SLC15A2: variants seen among roughly 807,000 people sequenced by gnomAD.
The protein encoded by SLC15A2 is solute carrier family 15 member 2.
A neutral mutation model predicts 95.5 loss-of-function variants in SLC15A2; 77 were observed. The observed-to-expected ratio is 0.81, with a 90% CI of 0.67 to 0.97. SLC15A2 has a LOEUF of 0.97. Among genes scored for constraint, SLC15A2 ranks in the 50% least tolerant of loss-of-function variants. SLC15A2 has a pLI of 0.00. For missense variants in SLC15A2, 893 were observed against 874.4 expected, an observed-to-expected ratio of 1.02 and a Z score of -0.27; for synonymous variants, 306 against 306.9, an observed-to-expected ratio of 1.00 and a Z score of 0.03.
chr3:121,938,426 C>G (rs900008067), intron 19 of SLC15A2, among the ~76,000 whole-genome samples: 7 of 152,332 alleles, frequency 4.6e-5, no homozygotes, highest in African/African-American at 1.7e-4. Flanking sequence ...ACTCCGTGGG[C>G]GTAGGACCCT....
chr3:121,896,617 T>C, intron 2 of SLC15A2, 124 bp downstream of exon 2: 1 of 770,914 alleles, frequency 1.3e-6, no homozygotes, highest in South Asian at 1.5e-5. Flanking sequence ...TGGTCCAAAT[T>C]GGTCCTTTAC....
chr3:121,903,317 G>A (rs12489233), intron 3 of SLC15A2, among the ~76,000 whole-genome samples: 44,419 of 152,062 alleles, frequency 0.29, 7,008 homozygotes, highest in Middle Eastern at 0.44. Context: ...TCACTCTGAT[G>A]GTAGTTGCTT....
chr3:121,904,226 C>G (rs1374667916), intron 3 of SLC15A2, among the ~76,000 whole-genome samples: 3 of 152,130 alleles, frequency 2.0e-5, no homozygotes, highest in Non-Finnish European at 4.4e-5. Context: ...GCTGAAGTTG[C>G]TTATCAGCTT....
At chr3:121,923,502 A>G (rs561485296) in intron 11 of SLC15A2, among the ~76,000 whole-genome samples, 1 of 152,328 alleles carries the variant, frequency 6.6e-6, no homozygotes, top group South Asian at 2.1e-4. Flanking sequence ...TATACAAGGA[A>G]GTATTGAGAG....
chr3:121,894,618 T>C (rs1055298790), intron 1 of SLC15A2, 37 bp downstream of exon 1: 9 of 1,522,054 alleles, frequency 5.9e-6, no homozygotes, highest in Non-Finnish European at 8.2e-6. Flanking sequence ...CTGAGAGGAA[T>C]GGCCTCCCTC....
intron 3 of SLC15A2, among the ~76,000 whole-genome samples, chr3:121,911,230 C>T (rs1367969921): frequency 6.6e-6 from 1 of 152,198 alleles, no homozygotes; most frequent in Non-Finnish European, 1.5e-5. Context: ...ACTTTTGCTA[C>T]AAATCCACCT....
At chr3:121,902,464 C>G (rs1281391216) in intron 3 of SLC15A2, among the ~76,000 whole-genome samples, 1 of 152,092 alleles carries the variant, frequency 6.6e-6, no homozygotes, top group Non-Finnish European at 1.5e-5. Context: ...CACCCATGAA[C>G]TCGCCATTTA....
At chr3:121,931,765 TCTCTCCATATACATATATCTCCTGAGATC>T in intron 19 of SLC15A2, 30 bp downstream of exon 19, 2 of 1,278,906 alleles carry the variant, frequency 1.6e-6, no homozygotes, top group Non-Finnish European at 2.3e-6. Flanking sequence ...CTCTTTACCC[TCTCTCCATATACATATATCTCCTGAGATC>T]CTCTAGGCAG....
chr3:121,913,951 C>G (rs1709826091), intron 5 of SLC15A2, among the ~76,000 whole-genome samples: 1 of 150,318 alleles, frequency 6.7e-6, no homozygotes, highest in African/African-American at 2.4e-5. Context: ...CTCCCCCCCA[C>G]CTCCCGCCAC....
In SLC15A2 at chr3:121,938,077, A is replaced by G. The variant is rs375470231; in HGVS notation, c.1762-1272A>G. Among the ~76,000 whole-genome samples, 727 of 146,698 alleles carry G rather than the reference A, an allele frequency of 5.0e-3. 1 individual carries two copies. Among genetic ancestry groups the G allele is most frequent in the African/African-American group, 0.016 (602 of 38,494 alleles). On this transcript the variant is annotated intron_variant, in intron 19 of 21. Transcript: ENST00000489711. ...GGGGTGCCTCCCAGTTAGGCTGCTC[A>G]GGGGTCAGGGGTCAGGGACCCACTT...
At chr3:121,931,330 T>C (rs147250747) in intron 18 of SLC15A2, among the ~76,000 whole-genome samples, 1 of 152,380 alleles carries the variant, frequency 6.6e-6, no homozygotes, top group African/African-American at 2.4e-5. Context: ...TAGCCTGTTC[T>C]ACTAAGTCAT....
chr3:121,906,976 T>G (rs958709927), intron 3 of SLC15A2, among the ~76,000 whole-genome samples: 1 of 152,228 alleles, frequency 6.6e-6, no homozygotes, highest in African/African-American at 2.4e-5. Flanking sequence ...CCCTGTCAAT[T>G]TCAGGTACAC....
Position 121,923,202 on chromosome 3 carries a change from A to G in SLC15A2, c.958-20A>G. On this transcript the variant is annotated intron_variant, in intron 10 of 21. Coordinates refer to ENST00000489711, the MANE Select transcript of SLC15A2 (RefSeq NM_021082.4). ...TCTCACAGGAAAGGGATTTCTCATA[A>G]CAGGATCTGTTTGCCCTAGGGTTCA... 7 of 1,613,962 alleles carry G rather than the reference A, an allele frequency of 4.3e-6. No individual in the cohort carries two copies. Among genetic ancestry groups the G allele is most frequent in the Non-Finnish European group, 5.9e-6 (7 of 1,179,850 alleles).
At chr3:121,899,380 G>C (rs1313284162) in intron 3 of SLC15A2, among the ~76,000 whole-genome samples, 2 of 152,086 alleles carry the variant, frequency 1.3e-5, no homozygotes, top group Non-Finnish European at 2.9e-5. Flanking sequence ...TAGGGTCTCT[G>C]TACCCTCACT....
chr3:121,936,218 G>C (rs1450991444), intron 19 of SLC15A2, among the ~76,000 whole-genome samples: 3 of 152,110 alleles, frequency 2.0e-5, no homozygotes, highest in Non-Finnish European at 2.9e-5. Context: ...GTGTGGTGTG[G>C]TGCTGAAAAA....
rs1462696442 is a variant in SLC15A2 at position 121,941,068 on chromosome 3, T to A, written c.*61T>A. On this transcript the variant is annotated 3_prime_UTR_variant, in exon 22 of 22. Transcript: ENST00000489711. ...GCCCTGTCTTGAAGCATTTTTTTTC[T>A]TCTACTGGATTAGACAAGAGAGATA... The A allele has an allele frequency of 2.0e-6, 3 of 1,463,490 alleles. No individual in the cohort carries two copies. The highest frequency in any genetic ancestry group is 2.8e-6 in the Non-Finnish European group (3 of 1,072,362). The allele number at this position is 1,463,490 out of a possible 1,614,324, so 90.7% of individuals were successfully genotyped here.
intron 3 of SLC15A2, among the ~76,000 whole-genome samples, chr3:121,905,017 C>T (rs1438194269): frequency 6.6e-6 from 1 of 152,184 alleles, no homozygotes; most frequent in Non-Finnish European, 1.5e-5. Context: ...ATTATTGCCT[C>T]AGTTTCAGAA....
rs1291798588 is a variant in SLC15A2 at position 121,913,105 on chromosome 3, G to T, written c.513G>T (p.Gln171His). 6.2e-7 allele frequency: 1 copy of T among 1,613,340 alleles called. No individual in the cohort carries two copies. The highest frequency in any genetic ancestry group is 1.1e-5 in the South Asian group (1 of 91,048). ...GTGTGGCAGCTTTTGGTGGAGACCA[G>T]TTTGAAGAAAAACATGTAAGAATCC... is the stretch of plus-strand genomic sequence containing the variant. ...KPCVAAFGGD[Q>H]FEEKHAEERT... The change falls in exon 5 of 22, where the codon CAG becomes CAT. Residue 171 changes from glutamine to histidine, a missense_variant. Transcript: ENST00000489711.
At position 121,915,688 on chromosome 3, in the gene SLC15A2, C is replaced by A; in HGVS notation, c.692C>A (p.Ala231Glu). 6.2e-7 allele frequency: 1 copy of A among 1,612,222 alleles called. No homozygotes were observed. The highest frequency in any genetic ancestry group is 8.5e-7 in the Non-Finnish European group (1 of 1,178,342). ...GTTCCAGGACTGCTCATGGTAATTG[C>A]ACTTGGTAAGTGCAGTGAAGCAAAG... ...FGVPGLLMVI[A>E]LVVFAMGSKI... The change falls in exon 7 of 22, where the codon GCA becomes GAA. Residue 231 changes from alanine (A) to glutamate (E), a missense_variant. Transcript: ENST00000489711.
Sources: allele counts gnomAD v4.1 joint callset (sites outside exome capture counted in the v4.1 genomes callset), GRCh38; gene constraint gnomAD v4.1.1; transcripts MANE v1.5; gene names NCBI Gene and HGNC (gene_info 2026-07-23, HGNC 2026-07-21).